Variants in DNAH7 observed in about 807,000 individuals in gnomAD.
The protein encoded by DNAH7 is dynein axonemal heavy chain 7, also known as axonemal beta dynein heavy chain 7.
In DNAH7, 397 loss-of-function variants were observed where a neutral mutation model predicts 444.6. The ratio of observed to expected loss-of-function variants is 0.89; its 90% CI spans 0.82 to 0.97. The LOEUF (loss-of-function observed/expected upper bound fraction) is 0.97. Among genes scored for constraint, DNAH7 ranks in the 50% least tolerant of loss-of-function variants. The pLI is 0.00. For missense variants in DNAH7, 4,902 were observed against 4,800.8 expected (o/e 1.02, Z -0.62); for synonymous variants, 1,636 against 1,624.4 (o/e 1.01, Z -0.17).
chr2:196,053,007 C>T (rs368996967), intron 2 of DNAH7, among the ~76,000 whole-genome samples: 59 of 149,640 alleles, frequency 3.9e-4, no homozygotes, highest in African/African-American at 1.4e-3. Context: ...GGACTAAGTC[C>T]CTCTGCTTAT....
intron 31 of DNAH7, among the ~76,000 whole-genome samples, 182 bp from the exon 32 acceptor site, chr2:195,889,163 T>C (rs765024378): frequency 2.6e-5 from 4 of 152,172 alleles, no homozygotes; most frequent in African/African-American, 7.2e-5. Flanking sequence ...GTATATAATA[T>C]GTATCACTAA....
chr2:195,832,618 T>C (rs958149), intron 48 of DNAH7, among the ~76,000 whole-genome samples: 14,267 of 151,948 alleles, frequency 0.094, 753 homozygotes, highest in African/African-American at 0.14. Context: ...AATTTTTGTA[T>C]TTTTTGTAAA....
intron 18 of DNAH7, among the ~76,000 whole-genome samples, chr2:195,959,345 A>G (rs1257476445): frequency 1.3e-5 from 2 of 152,038 alleles, no homozygotes; most frequent in Non-Finnish European, 1.5e-5. Flanking sequence ...CTCTTTTTCT[A>G]TCTAATTTTT....
intron 63 of DNAH7, among the ~76,000 whole-genome samples, chr2:195,743,980 T>A (rs1433358688): frequency 4.6e-5 from 7 of 152,208 alleles, no homozygotes; most frequent in Non-Finnish European, 1.0e-4. Context: ...GGTACCGGGC[T>A]CATCTCACTA....
At chr2:195,975,049 T>C (rs1692091667) in intron 15 of DNAH7, among the ~76,000 whole-genome samples, 1 of 152,192 alleles carries the variant, frequency 6.6e-6, no homozygotes, top group South Asian at 2.1e-4. Context: ...CAGAGAAAGA[T>C]GGCTGAATCG....
At chr2:195,749,977 TATAATA>T (rs1170161607) in intron 63 of DNAH7, among the ~76,000 whole-genome samples, 2 of 151,772 alleles carry the variant, frequency 1.3e-5, no homozygotes, top group South Asian at 4.2e-4. Flanking sequence ...AAACTTAAAG[TATAATA>T]ATAATAAAAT....
intron 58 of DNAH7, 98 bp downstream of exon 58, chr2:195,786,912 A>G: frequency 3.2e-6 from 4 of 1,260,196 alleles, no homozygotes; most frequent in Middle Eastern, 2.0e-4. Flanking sequence ...TCATTTCATA[A>G]GAGTAGAAAT....
intron 38 of DNAH7, among the ~76,000 whole-genome samples, chr2:195,875,378 A>C (rs1700987381): frequency 6.6e-6 from 1 of 152,166 alleles, no homozygotes. Flanking sequence ...TGGGAGAAAA[A>C]AGGATTTGGA....
rs1385366529 is a variant in DNAH7 at position 195,756,200 on chromosome 2, G to A, written c.11519C>T (p.Ser3840Phe). 6.2e-7 allele frequency: 1 copy of A among 1,613,576 alleles called. No homozygotes were observed. The highest frequency in any genetic ancestry group is 8.5e-7 in the Non-Finnish European group (1 of 1,179,656). Reference protein sequence around the residue: ...VKIPEMWMGKSYPSLKPLGSY... With the variant: ...VKIPEMWMGKFYPSLKPLGSY... ...GCCAAGTGGTTTAAGGCTTGGGTAG[G>A]ATTTACCCATCCACATTTCTGGAAT... The change falls in exon 62 of 65, where the codon TCC (serine) becomes TTC (phenylalanine). Residue 3840 changes from serine (S) to phenylalanine (F), a missense_variant. Coordinates refer to ENST00000312428, the MANE Select transcript of DNAH7 (RefSeq NM_018897.3).
chr2:195,916,756 G>A (rs2125328430), intron 24 of DNAH7, among the ~76,000 whole-genome samples: 1 of 152,170 alleles, frequency 6.6e-6, no homozygotes, highest in South Asian at 2.1e-4. Context: ...TACTCGGGAG[G>A]CTGAGGCAGG....
chr2:195,748,059 A>G (rs1693537459), intron 63 of DNAH7, among the ~76,000 whole-genome samples: 2 of 152,248 alleles, frequency 1.3e-5, no homozygotes, highest in Non-Finnish European at 2.9e-5. Context: ...CTGTTTGCAG[A>G]TGACATGATT....
intron 36 of DNAH7, among the ~76,000 whole-genome samples, chr2:195,879,377 CATAT>C (rs565583606): frequency 1.8e-3 from 281 of 152,234 alleles, no homozygotes; most frequent in African/African-American, 6.1e-3. Context: ...TTGCTTACGT[CATAT>C]ATAGAGATAA....
intron 57 of DNAH7, among the ~76,000 whole-genome samples, chr2:195,788,723 G>C (rs949104253): frequency 6.6e-6 from 1 of 152,130 alleles, no homozygotes; most frequent in Non-Finnish European, 1.5e-5. Flanking sequence ...GCAGAAGAAG[G>C]GACATACAAA....
In DNAH7 at chr2:195,906,736, G is replaced by A; in HGVS notation, c.4258C>T (p.Leu1420Phe). 6.2e-7 allele frequency: 1 copy of A among 1,613,442 alleles called. No homozygotes were observed. Among genetic ancestry groups the A allele is most frequent in the East Asian group, 2.2e-5 (1 of 44,868 alleles). Residue 1420 changes from leucine to phenylalanine, a missense_variant, in exon 27 of 65, where the codon CTT (leucine) becomes TTT (phenylalanine). Leu to Phe is a conservative substitution (Grantham distance 22). Coordinates refer to ENST00000312428, the MANE Select transcript of DNAH7 (RefSeq NM_018897.3). ...ILMFEGTELK[L>F]DPTCAVFITM... ...ATAAAGACAGCACATGTGGGGTCAA[G>A]TTTTAGTTCAGTTCCTTCAAACATC...
At chr2:195,762,393 A>G (rs1343966533) in intron 61 of DNAH7, among the ~76,000 whole-genome samples, 1 of 152,190 alleles carries the variant, frequency 6.6e-6, no homozygotes, top group Non-Finnish European at 1.5e-5. Context: ...ATAATGTTGA[A>G]TGTAAATGGA....
chr2:195,901,346 A>C (rs1358168621), intron 27 of DNAH7: 2 of 152,160 alleles, frequency 1.3e-5, no homozygotes, highest in African/African-American at 4.8e-5. Context: ...ACAAATAAAC[A>C]GACAAATTCC....
At chr2:195,977,869 T>G (rs1226292989) in intron 15 of DNAH7, among the ~76,000 whole-genome samples, 1 of 152,120 alleles carries the variant, frequency 6.6e-6, no homozygotes, top group Non-Finnish European at 1.5e-5. Context: ...GAAAAAGAAC[T>G]TGTATCCTAG....
chr2:195,895,274 T>C, intron 29 of DNAH7, 50 bp from the exon 30 acceptor site: 1 of 1,268,808 alleles, frequency 7.9e-7, no homozygotes, highest in Non-Finnish European at 1.1e-6. Context: ...TTATATTAAA[T>C]ACAAATATTT....
At chr2:195,819,053 T>A (rs1302483896) in intron 49 of DNAH7, among the ~76,000 whole-genome samples, 1 of 151,992 alleles carries the variant, frequency 6.6e-6, no homozygotes, top group Non-Finnish European at 1.5e-5. Flanking sequence ...TGGAATCCCA[T>A]ACACACTATC....
Sources: gnomAD v4.1 joint callset for allele counts (sites outside exome capture counted in the v4.1 genomes callset) on GRCh38, gnomAD v4.1.1 for gene constraint, MANE v1.5 for transcripts, NCBI Gene and HGNC (gene_info 2026-07-23, HGNC 2026-07-21) for gene names.